NCF4: variants seen among roughly 807,000 people sequenced by gnomAD.
NCF4 encodes neutrophil cytosolic factor 4.
NCF4 carries 30 observed loss-of-function variants against 41.7 expected under a neutral mutation model. That is an observed-to-expected ratio of 0.72 (90% CI 0.54 to 0.97). NCF4 has a LOEUF of 0.97. Among genes scored for constraint, NCF4 ranks in the 50% least tolerant of loss-of-function variants. The pLI, the probability that NCF4 is intolerant of heterozygous loss-of-function variation, is 0.00. For missense variants in NCF4, 432 were observed against 460.9 expected, an observed-to-expected ratio of 0.94 and a Z score of 0.57; for synonymous variants, 195 against 175.8, an observed-to-expected ratio of 1.11 and a Z score of -0.87.
chr22:36,874,469 C>A (rs1940148761), intron 7 of NCF4, among the ~76,000 whole-genome samples: 3 of 152,194 alleles, frequency 2.0e-5, no homozygotes, highest in Non-Finnish European at 4.4e-5. Flanking sequence ...TAGCAGTTTC[C>A]ATTTTACCCT....
At chr22:36,876,261 G>A (rs1402733558) in intron 9 of NCF4, among the ~76,000 whole-genome samples, 167 bp downstream of exon 9, 2 of 152,202 alleles carry the variant, frequency 1.3e-5, no homozygotes, top group African/African-American at 4.8e-5. Context: ...CCACTTTAGA[G>A]ATGAGCGGGG....
Position 36,870,465 on chromosome 22 carries a change from C to G in NCF4, c.393C>G (p.Ile131Met). Residue 131 changes from isoleucine (I) to methionine (M), a missense_variant, in exon 5 of 10, where the codon ATC (isoleucine) becomes ATG (methionine). Physicochemically the swap from Ile to Met is conservative, Grantham distance 10. Transcript: ENST00000248899. ...TGCTGATGGATGAGGACGTCCGGAT[C>G]TTCTTTTACCAGTCGCCCTATGACT... ...VWVLMDEDVR[I>M]FFYQSPYDSE... 1 of 1,614,006 alleles carries G rather than the reference C, an allele frequency of 6.2e-7. No homozygotes were observed. The highest frequency in any genetic ancestry group is 8.5e-7 in the Non-Finnish European group (1 of 1,180,042).
chr22:36,877,984 T>A lies in NCF4; in HGVS notation c.*161T>A. ...TCTGTCTCTTTCTACTATTTACATC[T>A]GATTTAAATAAACCATTCCATCTGA... On this transcript the variant is annotated 3_prime_UTR_variant, in exon 10 of 10. Coordinates refer to ENST00000248899, the MANE Select transcript of NCF4 (RefSeq NM_000631.5). 1.4e-6 allele frequency: 1 copy of A among 706,066 alleles called. No individual in the cohort carries two copies. Among genetic ancestry groups the A allele is most frequent in the Non-Finnish European group, 2.3e-6 (1 of 430,494 alleles). The allele number at this position is 706,066 out of a possible 1,614,324, so 43.7% of individuals were successfully genotyped here. A position where few individuals can be genotyped will look rare whatever the true frequency, so the allele number is the denominator to read the frequency against.
At chr22:36,872,899 ATTGG>A (rs1940104545) in intron 7 of NCF4, among the ~76,000 whole-genome samples, 2 of 93,920 alleles carry the variant, frequency 2.1e-5, no homozygotes, top group African/African-American at 8.3e-5. Context: ...TGGAGGTGAG[ATTGG>A]AGGTGAGGGT....
intron 4 of NCF4, among the ~76,000 whole-genome samples, chr22:36,869,014 A>T (rs2145713595): frequency 6.6e-6 from 1 of 152,298 alleles, no homozygotes; most frequent in East Asian, 1.9e-4. Context: ...TGATAATGAC[A>T]ACTGCCTGGA....
intron 5 of NCF4, 95 bp downstream of exon 5, chr22:36,870,637 A>G: frequency 6.6e-7 from 1 of 1,508,038 alleles, no homozygotes; most frequent in Non-Finnish European, 9.0e-7. Context: ...AGGAAAATAC[A>G]GATCAGCCAT....
intron 5 of NCF4, 85 bp from the exon 6 acceptor site, chr22:36,871,567 G>C (rs1217022061): frequency 2.1e-6 from 3 of 1,450,824 alleles, no homozygotes; most frequent in Non-Finnish European, 2.8e-6. Context: ...CCTGCTCCTT[G>C]CAAGGGGCTC....
chr22:36,864,903 C>T lies in NCF4; in HGVS notation c.118-16C>T, dbSNP rs1248010203. ...CCTGGCCCCTGAGCCCTCCCCACAACCTCTGTCCTCCTTAGGTTTTCGTCA... is the reference window on the plus strand; with the variant it reads ...CCTGGCCCCTGAGCCCTCCCCACAATCTCTGTCCTCCTTAGGTTTTCGTCA... On this transcript the variant is annotated splice_polypyrimidine_tract_variant and intron_variant, in intron 2 of 9. Transcript: ENST00000248899. 4 of 1,613,880 alleles carry T rather than the reference C, an allele frequency of 2.5e-6. No individual in the cohort carries two copies. The African/African-American group carries it at 4.0e-5, about 16-fold the overall frequency.
chr22:36,876,033 A>G lies in NCF4; in HGVS notation c.763A>G (p.Ile255Val), dbSNP rs772400898. The G allele has an allele frequency of 6.2e-7, 1 of 1,612,854 alleles. No homozygotes were observed. The highest frequency in any genetic ancestry group is 2.2e-5 in the East Asian group (1 of 44,824). Residue 255 changes from isoleucine to valine, a missense_variant, in exon 9 of 10, where the codon ATC (isoleucine) becomes GTC (valine). Ile to Val is a conservative substitution (Grantham distance 29, BLOSUM62 3). Transcript: ENST00000248899. Reference protein sequence around the residue: ...YEDTISTIKDIAVEEDLSSTP... With the variant: ...YEDTISTIKDVAVEEDLSSTP... ...TCCAGCCTGTCACCCCCTTAGGGAC[A>G]TCGCGGTGGAGGAAGATCTCAGCAG...
At chr22:36,875,369 C>T (rs1038264038) in intron 7 of NCF4, among the ~76,000 whole-genome samples, 6 of 152,280 alleles carry the variant, frequency 3.9e-5, no homozygotes, top group East Asian at 3.9e-4. Flanking sequence ...GAGCCTGTCA[C>T]GTGGCTGGTT....
intron 5 of NCF4, 98 bp downstream of exon 5, chr22:36,870,640 T>C: frequency 2.0e-6 from 3 of 1,492,210 alleles, no homozygotes; most frequent in Non-Finnish European, 9.1e-7. Flanking sequence ...AAAATACAGA[T>C]CAGCCATATC....
At chr22:36,875,598 G>C in intron 7 of NCF4, 55 bp from the exon 8 acceptor site, 3 of 1,542,190 alleles carry the variant, frequency 1.9e-6, no homozygotes, top group Non-Finnish European at 2.7e-6. Flanking sequence ...GCTCTGAGGC[G>C]TGGCTCTGCT....
intron 1 of NCF4, 26 bp downstream of exon 1, chr22:36,861,229 C>T (rs548553597): frequency 1.8e-5 from 28 of 1,551,206 alleles, no homozygotes; most frequent in Admixed American, 7.8e-5. Context: ...TGGCCGCCCC[C>T]GGGCCTTCTC....
rs755943893 is a variant in NCF4 at position 36,877,668 on chromosome 22, G to A, written c.865G>A (p.Asp289Asn). ...AGAGGACATAGCTCTGAATTACCGG[G>A]ACGCTGAGGGGGATCTGGTTCGGCT... Reference protein sequence around the residue: ...QREDIALNYRDAEGDLVRLLS... With the variant: ...QREDIALNYRNAEGDLVRLLS... Residue 289 changes from aspartate to asparagine, a missense_variant, in exon 10 of 10, where the codon GAC becomes AAC. Transcript: ENST00000248899. 4 of 1,614,224 alleles carry A rather than the reference G, an allele frequency of 2.5e-6. No individual in the cohort carries two copies. The Admixed American group carries it at 5.0e-5, about 20-fold the overall frequency.
rs1399778313 is a variant in NCF4, at chr22:36,877,939, T to G, written c.*116T>G. 1.0e-5 allele frequency: 10 copies of G among 1,003,886 alleles called. No homozygotes were observed. In the Admixed American group the frequency reaches 2.0e-4, roughly 21 times the overall value. The allele number at this position is 1,003,886 out of a possible 1,614,324, so 62.2% of individuals were successfully genotyped here. A position where few individuals can be genotyped will look rare whatever the true frequency, so the allele number is the denominator to read the frequency against. On this transcript the variant is annotated 3_prime_UTR_variant, in exon 10 of 10. Coordinates refer to ENST00000248899, the MANE Select transcript of NCF4 (RefSeq NM_000631.5). ...GCAGACTTCCTGTCTTTGAGGCTAA[T>G]GGACCCGTGGGGCTTGTAATCTGTC...
At position 36,877,892 on chromosome 22, in the gene NCF4, C is replaced by T. The variant is rs924384584; in HGVS notation, c.*69C>T. The T allele has an allele frequency of 7.6e-5, 113 of 1,480,516 alleles. No individual in the cohort carries two copies. The highest frequency in any genetic ancestry group is 6.9e-4 in the Middle Eastern group (4 of 5,792). The allele number at this position is 1,480,516 out of a possible 1,614,324, so 91.7% of individuals were successfully genotyped here. A position where few individuals can be genotyped will look rare whatever the true frequency, so the allele number is the denominator to read the frequency against. ...CTTCAGCTCTCAGAGGAGATTGGGA[C>T]CAGGAAAACCTGGGAGGATGGGCAG... On this transcript the variant is annotated 3_prime_UTR_variant, in exon 10 of 10. Coordinates refer to ENST00000248899, the MANE Select transcript of NCF4 (RefSeq NM_000631.5).
intron 4 of NCF4, 138 bp from the exon 5 acceptor site, chr22:36,870,277 C>A (rs943940171): frequency 8.1e-7 from 1 of 1,229,990 alleles, no homozygotes; most frequent in Non-Finnish European, 1.2e-6. Context: ...TTTTAAACAA[C>A]GCATTTCTGT....
rs766446257 is a variant in NCF4 at position 36,864,814 on chromosome 22, A to C, written c.118-105A>C. On this transcript the variant is annotated intron_variant, in intron 2 of 9. Coordinates refer to ENST00000248899, the MANE Select transcript of NCF4 (RefSeq NM_000631.5). The stretch of plus-strand genomic sequence containing the variant: ...TCTCCAGAGACCCTTCTGCATCCTT[A>C]TCCTCATCATCTTCCTCCTCCTCCT... The C allele has an allele frequency of 5.1e-4, 714 of 1,399,554 alleles. 4 individuals carry two copies. Among genetic ancestry groups the C allele is most frequent in the Admixed American group, 1.5e-3 (83 of 54,406 alleles). The allele number at this position is 1,399,554 out of a possible 1,614,324, so 86.7% of individuals were successfully genotyped here.
At chr22:36,862,631 G>T (rs2145699567) in intron 1 of NCF4, among the ~76,000 whole-genome samples, 1 of 152,330 alleles carries the variant, frequency 6.6e-6, no homozygotes, top group Admixed American at 6.5e-5. Context: ...CTTTTCATGA[G>T]GCCTTGAGCC....
Sources: gnomAD v4.1 joint callset for allele counts (sites outside exome capture counted in the v4.1 genomes callset) on GRCh38, gnomAD v4.1.1 for gene constraint, MANE v1.5 for transcripts, NCBI Gene and HGNC (gene_info 2026-07-23, HGNC 2026-07-21) for gene names.